The following AKAP6 variants were observed in gnomAD, a reference collection of about 807,000 sequenced individuals.
AKAP6 encodes A-kinase anchor protein 6.
In AKAP6, 58 loss-of-function variants were observed where a neutral mutation model predicts 188.5. That is an observed-to-expected ratio of 0.31 (90% confidence interval 0.25 to 0.38). AKAP6 has a LOEUF of 0.38. Ranked by LOEUF, AKAP6 falls within the 10% of genes least tolerant of loss-of-function variation. AKAP6 has a pLI of 1.00. For synonymous variants in AKAP6, 989 were observed against 998.6 expected, an observed-to-expected ratio of 0.99 and a Z score of 0.18; for missense variants, 2,710 against 2,740.0, an observed-to-expected ratio of 0.99 and a Z score of 0.24.
chr14:32,709,455 A>G (rs1890949744), intron 9 of AKAP6, among the ~76,000 whole-genome samples: 1 of 151,998 alleles, frequency 6.6e-6, no homozygotes, highest in Non-Finnish European at 1.5e-5. Flanking sequence ...TCTGATTTGA[A>G]TCACCTACTT....
At chr14:32,414,619 A>C (rs1335158042) in intron 1 of AKAP6, among the ~76,000 whole-genome samples, 1 of 152,192 alleles carries the variant, frequency 6.6e-6, no homozygotes, top group Non-Finnish European at 1.5e-5. Context: ...TTGAATGGGA[A>C]ACAGCTGACT....
chr14:32,797,788 A>G (rs1016449490), intron 12 of AKAP6, among the ~76,000 whole-genome samples: 1 of 151,560 alleles, frequency 6.6e-6, no homozygotes, highest in Non-Finnish European at 1.5e-5. Context: ...AAGTTGAAGA[A>G]AAAAAAAACA....
intron 7 of AKAP6, among the ~76,000 whole-genome samples, chr14:32,616,624 C>T (rs756556022): frequency 2.0e-5 from 3 of 151,986 alleles, no homozygotes; most frequent in Non-Finnish European, 4.4e-5. Context: ...GGAGGGAAAG[C>T]ATTAGGAAAA....
chr14:32,699,094 A>G (rs1890522377), intron 9 of AKAP6, among the ~76,000 whole-genome samples: 1 of 152,212 alleles, frequency 6.6e-6, no homozygotes, highest in African/African-American at 2.4e-5. Context: ...CAGGTTAGAT[A>G]AAATCTAATA....
chr14:32,363,653 T>C (rs1887735284), intron 1 of AKAP6, among the ~76,000 whole-genome samples: 1 of 152,198 alleles, frequency 6.6e-6, no homozygotes. Context: ...CTCTTTCCAC[T>C]TTTTTTCTGC....
chr14:32,714,045 T>A (rs2139761913), intron 9 of AKAP6, among the ~76,000 whole-genome samples: 1 of 152,176 alleles, frequency 6.6e-6, no homozygotes, highest in Admixed American at 6.6e-5. Flanking sequence ...ATTGTAGGAT[T>A]ATTACTTGGC....
chr14:32,417,883 T>G (rs2138654872), intron 1 of AKAP6: 1 of 152,276 alleles, frequency 6.6e-6, no homozygotes, highest in South Asian at 2.1e-4. Context: ...GTTAATGAAA[T>G]ATTCTAGATT....
chr14:32,818,773 C>T (rs1318330917), intron 12 of AKAP6, among the ~76,000 whole-genome samples: 3 of 152,086 alleles, frequency 2.0e-5, no homozygotes, highest in African/African-American at 7.2e-5. Context: ...AGCTCCCAGC[C>T]CATCCAGATG....
intron 7 of AKAP6, among the ~76,000 whole-genome samples, chr14:32,618,316 A>G (rs1442711080): frequency 6.6e-6 from 1 of 152,106 alleles, no homozygotes; most frequent in East Asian, 1.9e-4. Flanking sequence ...ATTGTACCCA[A>G]TATGTAGTTC....
At chr14:32,486,754 A>G (rs1373393011) in intron 2 of AKAP6, among the ~76,000 whole-genome samples, 1 of 152,214 alleles carries the variant, frequency 6.6e-6, no homozygotes, top group Non-Finnish European at 1.5e-5. Flanking sequence ...CAAACATGTC[A>G]TCTGTAAACA....
intron 12 of AKAP6, among the ~76,000 whole-genome samples, chr14:32,796,022 T>C (rs2033758147): frequency 6.6e-6 from 1 of 152,042 alleles, no homozygotes; most frequent in Non-Finnish European, 1.5e-5. Context: ...TGGATGAACT[T>C]CCAATCACAA....
chr14:32,511,537 G>A (rs1487555743), intron 2 of AKAP6, among the ~76,000 whole-genome samples: 1 of 151,966 alleles, frequency 6.6e-6, no homozygotes, highest in African/African-American at 2.4e-5. Flanking sequence ...CACCACGCCT[G>A]GCTAATTTTT....
intron 9 of AKAP6, among the ~76,000 whole-genome samples, chr14:32,708,433 A>AAG (rs1233789243): frequency 6.6e-6 from 1 of 151,806 alleles, no homozygotes; most frequent in East Asian, 1.9e-4. Context: ...AAGAGAGAGA[A>AAG]AGAGAGAGAG....
At chr14:32,805,932 C>T (rs1408736117) in intron 12 of AKAP6, among the ~76,000 whole-genome samples, 1 of 152,200 alleles carries the variant, frequency 6.6e-6, no homozygotes, top group African/African-American at 2.4e-5. Flanking sequence ...CAAGCAAACT[C>T]ATGAGGCCAT....
intron 11 of AKAP6, among the ~76,000 whole-genome samples, chr14:32,744,032 A>C (rs140988172): frequency 1.9e-3 from 294 of 152,264 alleles, no homozygotes; most frequent in African/African-American, 6.7e-3. Flanking sequence ...CATGTTTGAA[A>C]GATATTTTTG....
intron 11 of AKAP6, among the ~76,000 whole-genome samples, chr14:32,759,376 C>T (rs1222638718): frequency 6.6e-6 from 1 of 152,118 alleles, no homozygotes; most frequent in African/African-American, 2.4e-5. Context: ...TGCCTTTTCT[C>T]AAAATATCCT....
At chr14:32,456,440 T>A (rs1891149036) in intron 2 of AKAP6, among the ~76,000 whole-genome samples, 1 of 152,230 alleles carries the variant, frequency 6.6e-6, no homozygotes, top group African/African-American at 2.4e-5. Context: ...CACAAAGCTA[T>A]AATACTATTT....
chr14:32,534,890 G>A (rs955883411), intron 2 of AKAP6, among the ~76,000 whole-genome samples: 22 of 149,026 alleles, frequency 1.5e-4, no homozygotes, highest in Admixed American at 1.2e-3. Context: ...GCTTGAACCC[G>A]ATAGGTGGAG....
At chr14:32,608,412 A>C (rs1886214064) in intron 7 of AKAP6, among the ~76,000 whole-genome samples, 1 of 149,922 alleles carries the variant, frequency 6.7e-6, no homozygotes, top group South Asian at 2.1e-4. Context: ...AGGCAGGAGG[A>C]TCGCTTGAAC....
Sources: gnomAD v4.1 joint callset for allele counts (sites outside exome capture counted in the v4.1 genomes callset) on GRCh38, gnomAD v4.1.1 for gene constraint, MANE v1.5 for transcripts, NCBI Gene and HGNC (gene_info 2026-07-23, HGNC 2026-07-21) for gene names.